ITGBL1: variants seen among roughly 807,000 people sequenced by gnomAD.
ITGBL1 encodes the protein integrin beta-like protein 1.
ITGBL1 carries 51 observed loss-of-function variants against 68.5 expected under a neutral mutation model. The ratio of observed to expected loss-of-function variants is 0.74; its 90% CI spans 0.59 to 0.94. The LOEUF is 0.94. Among genes scored for constraint, ITGBL1 ranks in the 40% least tolerant of loss-of-function variants. The pLI, the probability that ITGBL1 is intolerant of heterozygous loss-of-function variation, is 0.00. For synonymous variants in ITGBL1, 209 were observed against 227.3 expected (o/e 0.92, Z 0.72); for missense variants, 649 against 647.4 (o/e 1.00, Z -0.03).
At chr13:101,609,805 A>G (rs531668808) in intron 7 of ITGBL1, among the ~76,000 whole-genome samples, 3 of 152,164 alleles carry the variant, frequency 2.0e-5, no homozygotes, top group East Asian at 3.9e-4. Context: ...AGAAAACTGT[A>G]TTACTACCAA....
intron 1 of ITGBL1, 139 bp downstream of exon 1, chr13:101,453,070 C>T (rs2048186605): frequency 3.0e-6 from 2 of 663,682 alleles, no homozygotes; most frequent in East Asian, 5.3e-5. Context: ...TGTTCCTTTT[C>T]CTCTCCTTAT....
At chr13:101,555,872 T>C (rs2049997238) in intron 2 of ITGBL1, among the ~76,000 whole-genome samples, 2 of 152,172 alleles carry the variant, frequency 1.3e-5, no homozygotes, top group Non-Finnish European at 2.9e-5. Flanking sequence ...TGATCAGGGA[T>C]TTTTGTGTGC....
chr13:101,595,767 C>T (rs1284098788), intron 6 of ITGBL1, among the ~76,000 whole-genome samples: 3 of 151,992 alleles, frequency 2.0e-5, no homozygotes, highest in Admixed American at 2.0e-4. Context: ...TTGATACAGC[C>T]ATTATGGACG....
intron 7 of ITGBL1, among the ~76,000 whole-genome samples, chr13:101,671,426 G>GTTT (rs66501713): frequency 0.037 from 4,193 of 112,248 alleles, 710 homozygotes; most frequent in Non-Finnish European, 0.055. Context: ...GTATACCTTT[G>GTTT]TTTTTTTTTT....
intron 2 of ITGBL1, among the ~76,000 whole-genome samples, chr13:101,538,668 A>T (rs1024087914): frequency 1.3e-5 from 2 of 152,166 alleles, no homozygotes; most frequent in African/African-American, 4.8e-5. Context: ...TATTTTACAA[A>T]ATTAAAAAGA....
At chr13:101,510,103 G>C (rs1484470683) in intron 2 of ITGBL1, among the ~76,000 whole-genome samples, 1 of 151,890 alleles carries the variant, frequency 6.6e-6, no homozygotes, top group Admixed American at 6.6e-5. Flanking sequence ...GGGTATATTG[G>C]ACCCAGGTTG....
At chr13:101,610,609 A>G (rs2031080701) in intron 7 of ITGBL1, among the ~76,000 whole-genome samples, 1 of 152,202 alleles carries the variant, frequency 6.6e-6, no homozygotes, top group South Asian at 2.1e-4. Flanking sequence ...CTCTTTTTGT[A>G]AATAAAGTTT....
intron 2 of ITGBL1, among the ~76,000 whole-genome samples, chr13:101,492,086 T>C (rs535099964): frequency 6.6e-6 from 1 of 152,356 alleles, no homozygotes; most frequent in African/African-American, 2.4e-5. Flanking sequence ...AGTGCTGCAA[T>C]AAACATATGT....
At chr13:101,717,866 A>T (rs1029638240), downstream of ITGBL1, 4 of 152,128 alleles carry the variant, frequency 2.6e-5, no homozygotes, top group African/African-American at 9.7e-5. Context: ...TATTTTTCTT[A>T]TAATCCTCTG....
chr13:101,543,338 A>G (rs1453635249), intron 2 of ITGBL1, among the ~76,000 whole-genome samples: 1 of 152,198 alleles, frequency 6.6e-6, no homozygotes, highest in East Asian at 1.9e-4. Context: ...GCTGGATATG[A>G]AATTCTGGGT....
intron 2 of ITGBL1, among the ~76,000 whole-genome samples, chr13:101,560,847 G>A (rs1336223492): frequency 2.0e-5 from 3 of 152,088 alleles, no homozygotes; most frequent in African/African-American, 4.8e-5. Context: ...TTTTGGGGAT[G>A]GGAGCTATAG....
intron 7 of ITGBL1, among the ~76,000 whole-genome samples, chr13:101,633,739 C>T (rs964349157): frequency 8.5e-5 from 13 of 152,238 alleles, no homozygotes; most frequent in African/African-American, 3.1e-4. Flanking sequence ...ATTGTTGTAT[C>T]TCAGTGAGAC....
intron 10 of ITGBL1, chr13:101,714,960 G>T (rs756917139): frequency 2.5e-5 from 5 of 196,942 alleles, no homozygotes; most frequent in Admixed American, 5.4e-5. Context: ...TAGGGAACTG[G>T]ATGTGTGTAT....
chr13:101,599,171 T>A (rs1045181703), intron 7 of ITGBL1, among the ~76,000 whole-genome samples: 3 of 151,480 alleles, frequency 2.0e-5, no homozygotes, highest in African/African-American at 7.3e-5. Context: ...TTGATTTGCA[T>A]TTCTCTGATG....
At chr13:101,523,893 T>C (rs9513909) in intron 2 of ITGBL1, among the ~76,000 whole-genome samples, 18,435 of 152,184 alleles carry the variant, frequency 0.12, 1,633 homozygotes, top group African/African-American at 0.24. Flanking sequence ...GAGCAACTGC[T>C]GTGTGGTCCA....
intron 7 of ITGBL1, among the ~76,000 whole-genome samples, chr13:101,659,212 G>A (rs1392166115): frequency 6.6e-6 from 1 of 151,264 alleles, no homozygotes; most frequent in African/African-American, 2.4e-5. Flanking sequence ...ATAAATAGAA[G>A]GCAGAAAATT....
At chr13:101,563,648 A>G (rs1230602018) in intron 2 of ITGBL1, among the ~76,000 whole-genome samples, 6 of 151,950 alleles carry the variant, frequency 3.9e-5, no homozygotes, top group Non-Finnish European at 5.9e-5. Flanking sequence ...AAAGTGAATC[A>G]TAGTTAAACA....
chr13:101,605,108 GTA>G (rs1171794794), intron 7 of ITGBL1, among the ~76,000 whole-genome samples: 1 of 145,694 alleles, frequency 6.9e-6, no homozygotes, highest in Non-Finnish European at 1.5e-5. Flanking sequence ...GTGTATATAT[GTA>G]TATGTGTAAA....
intron 2 of ITGBL1, among the ~76,000 whole-genome samples, chr13:101,510,526 G>A (rs752727627): frequency 6.6e-6 from 1 of 152,106 alleles, no homozygotes; most frequent in Non-Finnish European, 1.5e-5. Context: ...TAATGGGATT[G>A]CTAGGTCAAA....
Sources: gnomAD v4.1 joint callset for allele counts (sites outside exome capture counted in the v4.1 genomes callset) on GRCh38, gnomAD v4.1.1 for gene constraint, MANE v1.5 for transcripts, NCBI Gene and HGNC (gene_info 2026-07-23, HGNC 2026-07-21) for gene names.